Variants in HDAC9 observed in about 807,000 individuals in gnomAD.
HDAC9 encodes MEF-2 interacting transcription repressor (MITR) protein.
HDAC9 carries 41 observed loss-of-function variants against 139.4 expected under a neutral mutation model. That is an observed-to-expected ratio of 0.29 (90% CI 0.23 to 0.38). HDAC9 has a LOEUF of 0.38. HDAC9 is among the 10% of genes least tolerant of loss of function. HDAC9 has a pLI of 1.00. For missense variants in HDAC9, 1,147 were observed against 1,297.0 expected (o/e 0.88, Z 1.78); for synonymous variants, 517 against 476.2 (o/e 1.09, Z -1.12).
At chr7:18,262,699 T>C (rs1256886918) in intron 2 of HDAC9, among the ~76,000 whole-genome samples, 1 of 152,172 alleles carries the variant, frequency 6.6e-6, no homozygotes, top group Non-Finnish European at 1.5e-5. Flanking sequence ...TATTCAGAAG[T>C]AATTTGTGTA....
intron 22 of HDAC9, among the ~76,000 whole-genome samples, chr7:18,931,417 G>C (rs1438968231): frequency 6.6e-6 from 1 of 152,096 alleles, no homozygotes; most frequent in Non-Finnish European, 1.5e-5. Flanking sequence ...CTTGATAACA[G>C]TTTTTAACTA....
At chr7:18,669,156 A>G (rs560720092) in intron 12 of HDAC9, among the ~76,000 whole-genome samples, 1 of 151,784 alleles carries the variant, frequency 6.6e-6, no homozygotes, top group Non-Finnish European at 1.5e-5. Context: ...ACTTCTAAAT[A>G]TAAAACTTTA....
At chr7:18,907,231 G>T (rs1802341703) in intron 22 of HDAC9, among the ~76,000 whole-genome samples, 2 of 152,120 alleles carry the variant, frequency 1.3e-5, no homozygotes, top group Admixed American at 1.3e-4. Flanking sequence ...AAACAATTTA[G>T]CTCAATGTAG....
intron 2 of HDAC9, among the ~76,000 whole-genome samples, chr7:18,565,636 GA>G (rs35080681): frequency 6.7e-6 from 1 of 150,154 alleles, no homozygotes; most frequent in Non-Finnish European, 1.5e-5. Context: ...TACTTCTGTA[GA>G]AAAAAAGAAA....
At position 19,000,724 on chromosome 7, in the gene HDAC9, T is replaced by G. The variant is rs1401510670; in HGVS notation, c.*4662T>G. On this transcript the variant is annotated 3_prime_UTR_variant, in exon 26 of 26. Coordinates refer to ENST00000686413, the MANE Select transcript of HDAC9 (RefSeq NM_178425.4). ...GCATCTTAATTCTCAAACTGAAACA[T>G]TTAGCAAATACATGGTGAATCTGGT... 2 of 152,184 alleles carry G rather than the reference T, an allele frequency of 1.3e-5. No homozygotes were observed. The highest frequency in any genetic ancestry group is 2.9e-5 in the Non-Finnish European group (2 of 68,020). 9.4% of individuals were successfully genotyped at this position (152,184 alleles called of 1,614,324 possible).
intron 1 of HDAC9, among the ~76,000 whole-genome samples, chr7:18,411,408 T>C (rs570282617): frequency 1.7e-3 from 266 of 152,334 alleles, no homozygotes; most frequent in Non-Finnish European, 3.2e-3. Flanking sequence ...GGAGTCTTGC[T>C]CTGTCACTCA....
chr7:18,786,101 A>C (rs79523657), intron 16 of HDAC9, among the ~76,000 whole-genome samples: 92 of 152,200 alleles, frequency 6.0e-4, no homozygotes, highest in African/African-American at 1.7e-3. Flanking sequence ...TATTTTCTGA[A>C]TTGCATTCTG....
At chr7:18,967,791 A>G (rs1430530025) in intron 24 of HDAC9, among the ~76,000 whole-genome samples, 1 of 152,212 alleles carries the variant, frequency 6.6e-6, no homozygotes, top group Non-Finnish European at 1.5e-5. Flanking sequence ...CAAAATTTTA[A>G]AACTCTTTAC....
intron 3 of HDAC9, among the ~76,000 whole-genome samples, chr7:18,588,118 C>T (rs930726733): frequency 6.6e-6 from 1 of 152,124 alleles, no homozygotes; most frequent in Non-Finnish European, 1.5e-5. Context: ...TAACTATGTC[C>T]TTCTGGGAGT....
At chr7:18,109,961 C>G (rs1459717489) in intron 1 of HDAC9, among the ~76,000 whole-genome samples, 1 of 152,136 alleles carries the variant, frequency 6.6e-6, no homozygotes, top group Non-Finnish European at 1.5e-5. Flanking sequence ...TTGTATTGCT[C>G]ACCCCATGAT....
intron 1 of HDAC9, among the ~76,000 whole-genome samples, chr7:18,308,396 A>G (rs2128621756): frequency 6.6e-6 from 1 of 152,262 alleles, no homozygotes; most frequent in East Asian, 1.9e-4. Flanking sequence ...GTACACTCGA[A>G]CTCTGATCTG....
chr7:18,281,800 C>G (rs1370608162), intron 2 of HDAC9, among the ~76,000 whole-genome samples: 1 of 152,098 alleles, frequency 6.6e-6, no homozygotes. Context: ...GAGTTAGTGT[C>G]CTGAATAAAA....
At chr7:18,235,637 T>G (rs1793765485) in intron 2 of HDAC9, among the ~76,000 whole-genome samples, 1 of 152,262 alleles carries the variant, frequency 6.6e-6, no homozygotes, top group African/African-American at 2.4e-5. Context: ...AACTTAACTT[T>G]AATCCTTAAC....
chr7:18,441,643 G>A (rs1202786823), intron 1 of HDAC9, among the ~76,000 whole-genome samples: 2 of 152,144 alleles, frequency 1.3e-5, no homozygotes, highest in Non-Finnish European at 2.9e-5. Context: ...GAGACTCTCA[G>A]GAGACTTATG....
intron 1 of HDAC9, among the ~76,000 whole-genome samples, chr7:18,342,796 C>G (rs1445429766): frequency 6.6e-6 from 1 of 151,794 alleles, no homozygotes; most frequent in Non-Finnish European, 1.5e-5. Flanking sequence ...TGCTGTCTGT[C>G]CACTTATATT....
chr7:18,464,380 A>C (rs1443456768), intron 1 of HDAC9, among the ~76,000 whole-genome samples: 1 of 151,966 alleles, frequency 6.6e-6, no homozygotes, highest in Non-Finnish European at 1.5e-5. Flanking sequence ...GTAGTGGCTT[A>C]AAAAGTTCTC....
intron 25 of HDAC9, among the ~76,000 whole-genome samples, chr7:18,984,347 G>A (rs1247409994): frequency 6.6e-6 from 1 of 152,142 alleles, no homozygotes; most frequent in Non-Finnish European, 1.5e-5. Flanking sequence ...AGTTGAGTAA[G>A]CTGGCTGGGT....
chr7:18,807,592 C>T (rs573986951), intron 17 of HDAC9, among the ~76,000 whole-genome samples: 5 of 152,182 alleles, frequency 3.3e-5, no homozygotes, highest in Admixed American at 6.5e-5. Flanking sequence ...TTTCCTAGAA[C>T]TGCTTTTGCT....
chr7:18,316,671 G>A (rs138770985), intron 1 of HDAC9, among the ~76,000 whole-genome samples: 25 of 150,666 alleles, frequency 1.7e-4, no homozygotes, highest in Non-Finnish European at 3.4e-4. Context: ...GTGTCATGGC[G>A]CACACCCAGC....
Sources: gnomAD v4.1 joint callset for allele counts (sites outside exome capture counted in the v4.1 genomes callset) on GRCh38, gnomAD v4.1.1 for gene constraint, MANE v1.5 for transcripts, NCBI Gene and HGNC (gene_info 2026-07-23, HGNC 2026-07-21) for gene names.